ATXN7L1: variants seen among roughly 807,000 people sequenced by gnomAD.
The protein encoded by ATXN7L1 is ataxin 7 like 1.
Under a neutral mutation model 70.8 loss-of-function variants are expected in ATXN7L1, and 15 were observed. That is an observed-to-expected ratio of 0.21 (90% CI 0.14 to 0.33). ATXN7L1 has a LOEUF of 0.33. ATXN7L1 is among the 10% of genes least tolerant of loss of function. The pLI, the probability that ATXN7L1 is intolerant of heterozygous loss-of-function variation, is 1.00. For missense variants in ATXN7L1, 975 were observed against 1,097.1 expected (o/e 0.89, Z 1.57); for synonymous variants, 440 against 445.1 (o/e 0.99, Z 0.14).
At chr7:105,740,866 G>A (rs1797947433) in intron 3 of ATXN7L1, among the ~76,000 whole-genome samples, 1 of 149,978 alleles carries the variant, frequency 6.7e-6, no homozygotes, top group Non-Finnish European at 1.5e-5. Context: ...CCGGGTTCAA[G>A]CCATTCTCCT....
chr7:105,622,232 C>T (rs975520138), intron 8 of ATXN7L1, among the ~76,000 whole-genome samples: 1 of 152,216 alleles, frequency 6.6e-6, no homozygotes, highest in Non-Finnish European at 1.5e-5. Flanking sequence ...CACACAGCTG[C>T]GCCACATCCC....
chr7:105,733,625 T>TCCATCCAC (rs1563049007), intron 3 of ATXN7L1, among the ~76,000 whole-genome samples: 1 of 110,790 alleles, frequency 9.0e-6, no homozygotes, highest in Non-Finnish European at 1.9e-5. Flanking sequence ...CATCCATCCA[T>TCCATCCAC]CCATCCACCC....
At chr7:105,709,856 A>G (rs570517023) in intron 3 of ATXN7L1, among the ~76,000 whole-genome samples, 1 of 151,792 alleles carries the variant, frequency 6.6e-6, no homozygotes, top group Admixed American at 6.6e-5. Context: ...CCATACCCAA[A>G]TAATAATAAA....
In ATXN7L1 at chr7:105,759,406, G is replaced by A. The variant is rs527790610; in HGVS notation, c.355+29198C>T. 1.1e-3 allele frequency among the ~76,000 whole-genome samples: 170 copies of A among 151,442 alleles called. 1 individual carries two copies. Among genetic ancestry groups the A allele is most frequent in the Admixed American group, 2.5e-3 (38 of 15,162 alleles). The stretch of plus-strand genomic sequence containing the variant: ...AGGGAGGTGAGGCTTAAACCTCCTC[G>A]CTGGAGGAGGAGCCAATAAGAAGAC... On this transcript the variant is annotated intron_variant, in intron 3 of 11. Transcript: ENST00000419735.
intron 3 of ATXN7L1, among the ~76,000 whole-genome samples, chr7:105,741,240 G>A (rs1797990561): frequency 6.6e-6 from 1 of 152,146 alleles, no homozygotes; most frequent in South Asian, 2.1e-4. Context: ...CTCAGGGAGG[G>A]TCTTGTGTAT....
intron 2 of ATXN7L1, among the ~76,000 whole-genome samples, chr7:105,798,902 A>C (rs1806391217): frequency 6.6e-6 from 1 of 152,220 alleles, no homozygotes; most frequent in Non-Finnish European, 1.5e-5. Flanking sequence ...GGGAGCTAAA[A>C]CGCTGTATTA....
chr7:105,805,940 C>A (rs1342494782), intron 2 of ATXN7L1, among the ~76,000 whole-genome samples: 1 of 152,064 alleles, frequency 6.6e-6, no homozygotes, highest in Non-Finnish European at 1.5e-5. Flanking sequence ...ATGCAGAGAG[C>A]AGTGATCGGG....
At chr7:105,677,399 TCG>T (rs1804845943) in intron 3 of ATXN7L1, among the ~76,000 whole-genome samples, 1 of 152,222 alleles carries the variant, frequency 6.6e-6, no homozygotes, top group African/African-American at 2.4e-5. Flanking sequence ...GGACAGGTGC[TCG>T]AGTACACTGA....
intron 2 of ATXN7L1, chr7:105,820,000 A>C (rs1809877050): frequency 4.3e-6 from 2 of 462,066 alleles, no homozygotes; most frequent in East Asian, 1.2e-4. Context: ...CTATCGGAAG[A>C]AGAAACAGCT....
At chr7:105,871,080 T>C (rs923206315) in intron 2 of ATXN7L1, among the ~76,000 whole-genome samples, 2 of 119,630 alleles carry the variant, frequency 1.7e-5, no homozygotes, top group African/African-American at 3.8e-5. Flanking sequence ...ATGTGAGGGC[T>C]TGGGTTTTTT....
intron 4 of ATXN7L1, among the ~76,000 whole-genome samples, chr7:105,664,660 C>T (rs1460092771): frequency 6.6e-6 from 1 of 150,932 alleles, no homozygotes; most frequent in Non-Finnish European, 1.5e-5. Flanking sequence ...AACTCCGCCT[C>T]CCGGGTTCAA....
intron 2 of ATXN7L1, among the ~76,000 whole-genome samples, chr7:105,874,123 C>CAAAAA (rs766696244): frequency 4.2e-5 from 3 of 71,968 alleles, no homozygotes. Context: ...GAATCCGTAT[C>CAAAAA]AAAAAAAAAA....
chr7:105,858,314 T>C (rs1816038919), intron 2 of ATXN7L1, among the ~76,000 whole-genome samples: 1 of 152,196 alleles, frequency 6.6e-6, no homozygotes. Flanking sequence ...AGAGAAAAAC[T>C]TAACTCTGCC....
chr7:105,767,324 C>T (rs1388052632), intron 3 of ATXN7L1, among the ~76,000 whole-genome samples: 2 of 152,070 alleles, frequency 1.3e-5, no homozygotes, highest in Non-Finnish European at 2.9e-5. Flanking sequence ...AAAACCCGGC[C>T]CTCCATAAGC....
chr7:105,753,509 C>T (rs1799446894), intron 3 of ATXN7L1, among the ~76,000 whole-genome samples: 1 of 152,146 alleles, frequency 6.6e-6, no homozygotes, highest in Non-Finnish European at 1.5e-5. Context: ...TTTCTTTTTC[C>T]TATCTATGAT....
intron 2 of ATXN7L1, among the ~76,000 whole-genome samples, chr7:105,808,999 C>T (rs1808026922): frequency 6.6e-6 from 1 of 152,226 alleles, no homozygotes. Context: ...AGGCGTTTCT[C>T]CCAAAGAAGC....
intron 2 of ATXN7L1, among the ~76,000 whole-genome samples, chr7:105,837,697 GAC>G (rs1812611140): frequency 6.6e-6 from 1 of 152,174 alleles, no homozygotes; most frequent in African/African-American, 2.4e-5. Context: ...AGCAGCAAAA[GAC>G]AGCAGGGACG....
intron 2 of ATXN7L1, among the ~76,000 whole-genome samples, chr7:105,851,726 T>C (rs1173126323): frequency 1.3e-5 from 2 of 152,160 alleles, no homozygotes; most frequent in Non-Finnish European, 2.9e-5. Flanking sequence ...GTTGTTGTTG[T>C]TGTTGAAAGG....
In ATXN7L1 at chr7:105,610,568, G is replaced by A; in HGVS notation, c.2508C>T (p.Ser836=). The change falls in exon 11 of 12, where the codon TCC becomes TCT. Residue 836 remains serine, a synonymous_variant. Coordinates refer to ENST00000419735, the MANE Select transcript of ATXN7L1 (RefSeq NM_020725.2). ...GKNSSLALSQ[S]SPSSISSPGH... ...CTGGGCTGGATATACTTGAAGGACT[G>A]GATTGTGACAAAGCTAGGCTGCTAT... is the stretch of plus-strand genomic sequence containing the variant. 9.7e-6 allele frequency: 15 copies of A among 1,551,464 alleles called. No individual in the cohort carries two copies. The highest frequency in any genetic ancestry group is 1.3e-5 in the Non-Finnish European group (15 of 1,146,962).
Sources: gnomAD v4.1 joint callset for allele counts (sites outside exome capture counted in the v4.1 genomes callset) on GRCh38, gnomAD v4.1.1 for gene constraint, MANE v1.5 for transcripts, NCBI Gene and HGNC (gene_info 2026-07-23, HGNC 2026-07-21) for gene names.